The following KTN1 variants were observed in gnomAD, a reference collection of about 807,000 sequenced individuals.
The protein encoded by KTN1 is kinectin.
Under a neutral mutation model 222.5 loss-of-function variants are expected in KTN1, and 130 were observed. That is an observed-to-expected ratio of 0.58 (90% confidence interval 0.51 to 0.68). The LOEUF is 0.68. Among genes scored for constraint, KTN1 ranks in the 30% least tolerant of loss-of-function variants. The pLI is 0.00. For missense variants in KTN1, 1,508 were observed against 1,500.4 expected (o/e 1.01, Z -0.08); for synonymous variants, 512 against 496.3 (o/e 1.03, Z -0.42).
At chr14:55,680,387 G>C in intron 43 of KTN1, 1 of 128,604 alleles carries the variant, frequency 7.8e-6, no homozygotes, top group South Asian at 2.5e-4. Flanking sequence ...TTTTTTTTCT[G>C]TTGCTACCTG....
chr14:55,649,072 T>C (rs566492104), intron 21 of KTN1, among the ~76,000 whole-genome samples: 2 of 152,286 alleles, frequency 1.3e-5, no homozygotes, highest in South Asian at 2.1e-4. Context: ...GACTGTAGGC[T>C]CATGCCACAA....
intron 41 of KTN1, among the ~76,000 whole-genome samples, chr14:55,677,346 G>A (rs1217146515): frequency 3.3e-5 from 5 of 151,886 alleles, no homozygotes; most frequent in Admixed American, 6.6e-5. Flanking sequence ...GTGTGGTGGT[G>A]CGCACCTGCA....
At chr14:55,615,512 A>C (rs768843678) in intron 2 of KTN1, among the ~76,000 whole-genome samples, 4 of 152,200 alleles carry the variant, frequency 2.6e-5, no homozygotes, top group Non-Finnish European at 5.9e-5. Flanking sequence ...TTTACTTAGC[A>C]TAATGGAGAG....
intron 19 of KTN1, 124 bp downstream of exon 19, chr14:55,647,131 G>A: frequency 1.5e-6 from 1 of 667,418 alleles, no homozygotes; most frequent in Non-Finnish European, 2.6e-6. Context: ...CTGTTGATTT[G>A]GGATTACATT....
intron 34 of KTN1, among the ~76,000 whole-genome samples, chr14:55,670,137 C>G (rs751760330): frequency 1.3e-5 from 2 of 152,060 alleles, no homozygotes; most frequent in Middle Eastern, 3.4e-3. Context: ...TGGATTTAAA[C>G]AAGTGAATGT....
rs758444826 is a variant in KTN1, at chr14:55,634,621, A to G, written c.1424A>G (p.Gln475Arg). ...KTGKLQQEEV[Q>R]KKNAEQAATQ... ...GGAAAGCTACAGCAAGAGGAAGTCCAAAAGAAGAATGCTGAGCAAGCAGCT... is the reference window on the plus strand; with the variant it reads ...GGAAAGCTACAGCAAGAGGAAGTCCGAAAGAAGAATGCTGAGCAAGCAGCT... The change falls in exon 9 of 44, where the codon CAA becomes CGA. Residue 475 changes from glutamine (Q) to arginine (R), a missense_variant. Transcript: ENST00000395314. 3 of 1,613,880 alleles carry G rather than the reference A, an allele frequency of 1.9e-6. No individual in the cohort carries two copies. The Admixed American group carries it at 5.0e-5, about 27-fold the overall frequency.
At chr14:55,640,777 A>T (rs1404120829) in intron 15 of KTN1, among the ~76,000 whole-genome samples, 156 bp from the exon 16 acceptor site, 1 of 152,030 alleles carries the variant, frequency 6.6e-6, no homozygotes, top group East Asian at 1.9e-4. Context: ...AGAAGTAAAA[A>T]ATATCGAACA....
rs561308316 is a variant in KTN1 at position 55,611,981 on chromosome 14, C to CGT, written c.-30-38_-30-37insGT. 3.2e-3 allele frequency: 2,420 copies of CGT among 768,032 alleles called. 5 individuals carry two copies. Among genetic ancestry groups the CGT allele is most frequent in the African/African-American group, 0.013 (696 of 52,322 alleles). The allele number at this position is 768,032 out of a possible 1,614,324, so 47.6% of individuals were successfully genotyped here. ...TTAATTTTTATGAGACTGACAGGTT[C>CGT]TTTTTTTTTTTTTGTCCCCACCTTC... is the stretch of plus-strand genomic sequence containing the variant. On this transcript the variant is annotated intron_variant, in intron 1 of 43. Transcript: ENST00000395314.
chr14:55,658,496 A>G (rs1050777510), intron 29 of KTN1, 50 bp from the exon 30 acceptor site: 6 of 1,059,214 alleles, frequency 5.7e-6, no homozygotes, highest in Non-Finnish European at 7.3e-6. Flanking sequence ...ATCTAAGTTT[A>G]TGTGGAAAAA....
At chr14:55,623,063 A>G (rs548401063) in intron 5 of KTN1, among the ~76,000 whole-genome samples, 30 of 152,240 alleles carry the variant, frequency 2.0e-4, no homozygotes, top group African/African-American at 7.2e-4. Flanking sequence ...TCCTCCTTCA[A>G]GTCTCCACTT....
At chr14:55,639,798 A>G (rs886980782) in intron 13 of KTN1, 115 bp from the exon 14 acceptor site, 4 of 663,472 alleles carry the variant, frequency 6.0e-6, no homozygotes, top group Admixed American at 5.0e-5. Flanking sequence ...GGCTATAGAA[A>G]TGGAAGGTAT....
intron 40 of KTN1, chr14:55,675,599 C>T (rs1362224762): frequency 2.8e-6 from 1 of 362,114 alleles, no homozygotes; most frequent in Non-Finnish European, 5.0e-6. Flanking sequence ...TTTGTTTTTG[C>T]ATTTGCAGTT....
At chr14:55,644,362 G>A (rs2042086294) in intron 18 of KTN1, 2 of 701,734 alleles carry the variant, frequency 2.9e-6, no homozygotes, top group Admixed American at 2.0e-5. Context: ...GGAAAAGATT[G>A]AGCGTATAAA....
At chr14:55,613,767 C>T (rs1315586564) in intron 2 of KTN1, among the ~76,000 whole-genome samples, 1 of 152,020 alleles carries the variant, frequency 6.6e-6, no homozygotes, top group Non-Finnish European at 1.5e-5. Context: ...CCACGCTTGA[C>T]CCGGTTGTAT....
chr14:55,664,654 A>G (rs1483898548), intron 33 of KTN1, among the ~76,000 whole-genome samples: 2 of 152,144 alleles, frequency 1.3e-5, no homozygotes, highest in African/African-American at 4.8e-5. Flanking sequence ...TACTCCTGAA[A>G]TATATAGCCC....
At chr14:55,612,808 A>G (rs377046902) in intron 2 of KTN1, among the ~76,000 whole-genome samples, 1 of 151,966 alleles carries the variant, frequency 6.6e-6, no homozygotes, top group Non-Finnish European at 1.5e-5. Flanking sequence ...ATCCTAGCAC[A>G]TTGGGAGGCT....
chr14:55,591,524 G>A (rs2034110999), intron 1 of KTN1, among the ~76,000 whole-genome samples: 1 of 150,938 alleles, frequency 6.6e-6, no homozygotes, highest in Non-Finnish European at 1.5e-5. Flanking sequence ...AAACCAGTTA[G>A]CCTATTGTGT....
chr14:55,637,493 T>A, intron 11 of KTN1, 129 bp downstream of exon 11: 1 of 752,794 alleles, frequency 1.3e-6, no homozygotes, highest in Non-Finnish European at 2.1e-6. Flanking sequence ...TATAACTTTG[T>A]CTTTTGAGCA....
At chr14:55,666,960 G>A (rs1485866769) in intron 33 of KTN1, among the ~76,000 whole-genome samples, 1 of 151,910 alleles carries the variant, frequency 6.6e-6, no homozygotes, top group Admixed American at 6.6e-5. Flanking sequence ...TCCTGGACAG[G>A]CAAATCACTT....
Sources: gnomAD v4.1 joint callset for allele counts (sites outside exome capture counted in the v4.1 genomes callset) on GRCh38, gnomAD v4.1.1 for gene constraint, MANE v1.5 for transcripts, NCBI Gene and HGNC (gene_info 2026-07-23, HGNC 2026-07-21) for gene names.